Variants in ARHGEF18 observed in about 807,000 individuals in gnomAD.
The protein encoded by ARHGEF18 is rho guanine nucleotide exchange factor 18.
A neutral mutation model predicts 155.7 loss-of-function variants in ARHGEF18; 93 were observed. The ratio of observed to expected loss-of-function variants is 0.60; its 90% CI spans 0.50 to 0.71. The LOEUF (loss-of-function observed/expected upper bound fraction) is 0.71, where lower values mean the gene tolerates loss of function less well. ARHGEF18 is among the 30% of genes least tolerant of loss of function. The probability of loss-of-function intolerance (pLI) is 0.00; values close to 1 mark genes in which losing one functional copy is unlikely to be tolerated. For synonymous variants in ARHGEF18, 742 were observed against 753.1 expected (o/e 0.99, Z 0.24); for missense variants, 1,593 against 1,816.1 (o/e 0.88, Z 2.23).
chr19:7,396,232 A>G (rs1971701310), intron 10 of ARHGEF18, among the ~76,000 whole-genome samples: 1 of 152,196 alleles, frequency 6.6e-6, no homozygotes, highest in Non-Finnish European at 1.5e-5. Flanking sequence ...TTACCACGGA[A>G]GCGAAGCGGC....
chr19:7,392,124 C>T (rs534379819), intron 10 of ARHGEF18, among the ~76,000 whole-genome samples: 1 of 151,254 alleles, frequency 6.6e-6, no homozygotes, highest in African/African-American at 2.4e-5. Flanking sequence ...GCCTGCAATC[C>T]CAGCTACTCG....
the ARHGEF18 span, among the ~76,000 whole-genome samples, chr19:7,479,435 G>C: frequency 2.0e-5 from 3 of 152,208 alleles, no homozygotes; most frequent in Non-Finnish European, 4.4e-5. Context: ...AGTAAGCCAA[G>C]ATCGCACCAC....
Position 7,464,643 on chromosome 19 carries a change from C to T in ARHGEF18, c.2857C>T (p.Leu953Phe), listed in dbSNP as rs903573199. 1 of 1,614,072 alleles carries T rather than the reference C, an allele frequency of 6.2e-7. No individual in the cohort carries two copies. Residue 953 changes from leucine to phenylalanine, a missense_variant, in exon 23 of 29, where the codon CTC (leucine) becomes TTC (phenylalanine). Transcript: ENST00000668164. ...RGPPNSPDLK[L>F]SDSDIPGSSE... ...CCCCCCAAACAGCCCGGACTTGAAG[C>T]TCAGTGACAGTGACATTCCTGGGAG... is the stretch of plus-strand genomic sequence containing the variant.
rs2145419382 is a variant in ARHGEF18, at chr19:7,376,613, C to T, written c.427-30C>T. The T allele has an allele frequency of 1.6e-6, 2 of 1,227,314 alleles. 1 individual carries two copies. Among genetic ancestry groups the T allele is most frequent in the South Asian group, 8.2e-5 (2 of 24,280 alleles). 76.0% of individuals were successfully genotyped at this position (1,227,314 alleles called of 1,614,324 possible). On this transcript the variant is annotated intron_variant, in intron 4 of 28. Transcript: ENST00000668164. ...CTGCCTGCAGTCCAGGCTGCCTTCCCAGCTTAGTGAGATGTTTAATCCCCT... is the reference window on the plus strand; with the variant it reads ...CTGCCTGCAGTCCAGGCTGCCTTCCTAGCTTAGTGAGATGTTTAATCCCCT...
downstream of ARHGEF18, chr19:7,473,324 G>A (rs1457128877): frequency 2.2e-6 from 1 of 454,924 alleles, no homozygotes; most frequent in Admixed American, 2.4e-5. Context: ...GGAAGATGAT[G>A]CAGGCCACGT....
At chr19:7,360,984 C>T (rs981555401) in intron 1 of ARHGEF18, among the ~76,000 whole-genome samples, 5 of 152,170 alleles carry the variant, frequency 3.3e-5, no homozygotes, top group African/African-American at 1.2e-4. Context: ...ATACAGGTGG[C>T]ATCAGGGGGC....
intron 18 of ARHGEF18, 123 bp from the exon 19 acceptor site, chr19:7,458,389 G>T: frequency 2.1e-5 from 16 of 752,680 alleles, no homozygotes; most frequent in Admixed American, 7.5e-5. Context: ...GCTTTGAATT[G>T]TTTGAAAAGA....
the ARHGEF18 span, chr19:7,478,241 G>A: frequency 6.6e-7 from 1 of 1,505,174 alleles, no homozygotes; most frequent in Non-Finnish European, 9.1e-7. Flanking sequence ...CCTGCACAGG[G>A]GTGGCTGCGA....
In ARHGEF18 at chr19:7,470,416, C is replaced by A; in HGVS notation, c.*118C>A. 1 of 1,023,206 alleles carries A rather than the reference C, an allele frequency of 9.8e-7. No individual in the cohort carries two copies. Among genetic ancestry groups the A allele is most frequent in the Non-Finnish European group, 1.3e-6 (1 of 791,050 alleles). The allele number at this position is 1,023,206 out of a possible 1,614,324, so 63.4% of individuals were successfully genotyped here. On this transcript the variant is annotated 3_prime_UTR_variant, in exon 29 of 29. Coordinates refer to ENST00000668164, the MANE Select transcript of ARHGEF18 (RefSeq NM_001367823.1). The surrounding 1 kb of genome is among the most constrained non-coding windows in gnomAD (Gnocchi z 5.9). ...CTGTCCCCTCCTCTTCCCTAGCAAACCACTGATGACCGCCTGGCAGGGGCC... is the reference window on the plus strand; with the variant it reads ...CTGTCCCCTCCTCTTCCCTAGCAAAACACTGATGACCGCCTGGCAGGGGCC...
At chr19:7,367,174 T>C (rs889577255) in intron 2 of ARHGEF18, among the ~76,000 whole-genome samples, 4 of 152,226 alleles carry the variant, frequency 2.6e-5, no homozygotes, top group Admixed American at 2.6e-4. Flanking sequence ...GGTGGCAGTA[T>C]GCCCATTTTA....
At chr19:7,456,262 G>A (rs1334440073) in intron 17 of ARHGEF18, 65 bp from the exon 18 acceptor site, 11 of 1,451,284 alleles carry the variant, frequency 7.6e-6, no homozygotes, top group Non-Finnish European at 9.7e-6. Flanking sequence ...CATCCGCGGG[G>A]GTGGCCAGCA....
chr19:7,390,155 A>T (rs1454450233), intron 10 of ARHGEF18, among the ~76,000 whole-genome samples: 1 of 152,162 alleles, frequency 6.6e-6, no homozygotes, highest in Non-Finnish European at 1.5e-5. Context: ...ATGATTTGCC[A>T]CTGCCCTCTA....
intron 10 of ARHGEF18, among the ~76,000 whole-genome samples, chr19:7,424,767 G>A (rs1010384402): frequency 6.6e-6 from 1 of 152,068 alleles, no homozygotes; most frequent in African/African-American, 2.4e-5. Flanking sequence ...AGGCCGAGGC[G>A]GGCGGATCAC....
At chr19:7,360,874 C>T (rs73923362) in intron 1 of ARHGEF18, among the ~76,000 whole-genome samples, 3,003 of 152,316 alleles carry the variant, frequency 0.02, 83 homozygotes, top group African/African-American at 0.067. Flanking sequence ...ACAACAGCAG[C>T]TGAACAGAGT....
chr19:7,408,464 C>T (rs532549960), intron 10 of ARHGEF18, among the ~76,000 whole-genome samples: 44 of 152,324 alleles, frequency 2.9e-4, no homozygotes, highest in African/African-American at 1.1e-3. Context: ...TCACCAGCCC[C>T]TACAGTAGAC....
intron 10 of ARHGEF18, chr19:7,394,961 C>A: frequency 1.3e-6 from 1 of 791,000 alleles, no homozygotes; most frequent in Non-Finnish European, 1.5e-6. Context: ...GGTGCCCGCG[C>A]CCCTCTCAAG....
chr19:7,404,329 G>A (rs1972179533), intron 10 of ARHGEF18, among the ~76,000 whole-genome samples: 2 of 151,952 alleles, frequency 1.3e-5, no homozygotes, highest in South Asian at 2.1e-4. Flanking sequence ...CTCGGGCTGC[G>A]TTCTCTGTTG....
downstream of ARHGEF18, chr19:7,472,692 T>G (rs1977096108): frequency 3.4e-6 from 1 of 294,162 alleles, no homozygotes; most frequent in African/African-American, 2.2e-5. Context: ...TTTTTGTTTC[T>G]GTTTTTTTGG....
chr19:7,440,193 T>C lies in ARHGEF18; in HGVS notation c.968-151T>C. 6.4e-7 allele frequency: 1 copy of C among 1,551,470 alleles called. No homozygotes were observed. The highest frequency in any genetic ancestry group is 2.4e-5 in the East Asian group (1 of 40,908). ...TTTTTACGGCTCTTTCCCCAGGAAA[T>C]GGAGCGAGAACGTCTTCTTGGATAA... On this transcript the variant is annotated intron_variant, in intron 10 of 28. Transcript: ENST00000668164. This position sits in a 1 kb window ranked among gnomAD's most constrained non-coding sequence, Gnocchi z 5.4.
Sources: allele counts gnomAD v4.1 joint callset (sites outside exome capture counted in the v4.1 genomes callset), GRCh38; gene constraint gnomAD v4.1.1; non-coding constraint Gnocchi (gnomAD v3.1); transcripts MANE v1.5; gene names NCBI Gene and HGNC (gene_info 2026-07-23, HGNC 2026-07-21).